CHODL: variants seen among roughly 807,000 people sequenced by gnomAD.
The protein encoded by CHODL is chondrolectin, also known as transmembrane protein MT75.
A neutral mutation model predicts 34.5 loss-of-function variants in CHODL; 29 were observed. That is an observed-to-expected ratio of 0.84 (90% CI 0.63 to 1.15). The LOEUF (loss-of-function observed/expected upper bound fraction) is 1.15. Among genes scored for constraint, CHODL ranks in the 50% most tolerant of loss-of-function variants. The pLI, the probability that CHODL is intolerant of heterozygous loss-of-function variation, is 0.00. For missense variants in CHODL, 332 were observed against 332.5 expected (o/e 1.00, Z 0.01); for synonymous variants, 125 against 116.1 (o/e 1.08, Z -0.49).
At chr21:18,224,815 T>A (rs1250063734) in intron 2 of CHODL, among the ~76,000 whole-genome samples, 1 of 152,092 alleles carries the variant, frequency 6.6e-6, no homozygotes, top group Non-Finnish European at 1.5e-5. Context: ...AGGATTATAG[T>A]AGTTTTTTTT....
At chr21:18,061,559 CAA>C (rs1555859115) in intron 2 of CHODL, among the ~76,000 whole-genome samples, 1 of 45,704 alleles carries the variant, frequency 2.2e-5, no homozygotes, top group Non-Finnish European at 6.3e-5. Context: ...CAAAGACAAT[CAA>C]ACTCAAAATA....
intron 2 of CHODL, among the ~76,000 whole-genome samples, chr21:18,170,691 C>T (rs2073217111): frequency 6.6e-6 from 1 of 152,158 alleles, no homozygotes; most frequent in African/African-American, 2.4e-5. Flanking sequence ...CATTTTCTCT[C>T]TATCCTCTGA....
Position 18,215,295 on chromosome 21 carries a change from T to C in CHODL, c.-44-41214T>C, listed in dbSNP as rs147123707. On this transcript the variant is annotated intron_variant, in intron 2 of 6. Coordinates refer to the CHODL transcript ENST00000400127. ...TGTGCAGTCCAGGTAGGGCTAGTCCTCCTACCTACAAACTTCCACCTCAGG... is the reference window on the plus strand; with the variant it reads ...TGTGCAGTCCAGGTAGGGCTAGTCCCCCTACCTACAAACTTCCACCTCAGG... Among the ~76,000 whole-genome samples the C allele has an allele frequency of 3.8e-3, 576 of 152,198 alleles. 19 individuals carry two copies. In the South Asian group the frequency reaches 0.091, roughly 24 times the overall value.
intron 1 of CHODL, among the ~76,000 whole-genome samples, chr21:18,018,911 C>T (rs924152099): frequency 6.6e-6 from 1 of 152,188 alleles, no homozygotes; most frequent in African/African-American, 2.4e-5. Flanking sequence ...TAGGCACACA[C>T]CTTGCTTGGT....
intron 1 of CHODL, among the ~76,000 whole-genome samples, chr21:18,013,327 A>G (rs1281336286): frequency 1.3e-3 from 1 of 750 alleles, no homozygotes; most frequent in Non-Finnish European, 2.6e-3. Flanking sequence ...CTTTATCTCT[A>G]GTTGTCTGCC....
At chr21:18,102,676 C>A (rs929145463) in intron 2 of CHODL, among the ~76,000 whole-genome samples, 1 of 152,098 alleles carries the variant, frequency 6.6e-6, no homozygotes, top group Non-Finnish European at 1.5e-5. Flanking sequence ...AATTGTCTAA[C>A]CCTTTAATTG....
At chr21:18,023,442 C>A (rs886789387) in intron 1 of CHODL, among the ~76,000 whole-genome samples, 1 of 152,004 alleles carries the variant, frequency 6.6e-6, no homozygotes, top group Admixed American at 6.6e-5. Flanking sequence ...GTGGGAAAAG[C>A]GTGGGCCAGG....
At chr21:18,034,971 G>A (rs2064292999) in intron 2 of CHODL, among the ~76,000 whole-genome samples, 1 of 152,008 alleles carries the variant, frequency 6.6e-6, no homozygotes, top group Non-Finnish European at 1.5e-5. Flanking sequence ...CAGACTCCCA[G>A]TGCATGACTC....
chr21:18,166,209 A>G (rs771788115), intron 2 of CHODL, among the ~76,000 whole-genome samples: 22 of 152,230 alleles, frequency 1.4e-4, no homozygotes, highest in Non-Finnish European at 3.1e-4. Context: ...AGTTCCTAGG[A>G]TCTGCCTATA....
intron 2 of CHODL, among the ~76,000 whole-genome samples, chr21:18,062,901 G>C (rs1397885854): frequency 1.3e-5 from 2 of 152,046 alleles, no homozygotes; most frequent in African/African-American, 4.8e-5. Context: ...AGGAGAAAGA[G>C]AGGGAAAGGA....
chr21:18,004,132 C>G (rs1187324960), intron 1 of CHODL, among the ~76,000 whole-genome samples: 1 of 152,010 alleles, frequency 6.6e-6, no homozygotes, highest in Non-Finnish European at 1.5e-5. Flanking sequence ...AGTAGCTAAA[C>G]CTAAGCAAAA....
intron 2 of CHODL, among the ~76,000 whole-genome samples, chr21:18,236,655 G>A (rs912316560): frequency 6.6e-6 from 1 of 151,930 alleles, no homozygotes; most frequent in Admixed American, 6.6e-5. Flanking sequence ...AAGTGAGCAG[G>A]CAGTTTCATA....
chr21:17,953,049 A>G (rs1262886233), intron 1 of CHODL, among the ~76,000 whole-genome samples: 4 of 152,124 alleles, frequency 2.6e-5, no homozygotes, highest in Non-Finnish European at 5.9e-5. Context: ...CCCTTGACAC[A>G]TGGGGATTAC....
chr21:18,045,258 C>A (rs1371715234), intron 2 of CHODL, among the ~76,000 whole-genome samples: 1 of 151,822 alleles, frequency 6.6e-6, no homozygotes, highest in Non-Finnish European at 1.5e-5. Context: ...TGATGGCCTC[C>A]AAAAAGATAT....
chr21:18,029,501 C>A (rs2064222403), intron 2 of CHODL, among the ~76,000 whole-genome samples: 1 of 152,072 alleles, frequency 6.6e-6, no homozygotes, highest in African/African-American at 2.4e-5. Flanking sequence ...AAATAGTAAT[C>A]TTTACTTGTT....
intron 2 of CHODL, among the ~76,000 whole-genome samples, chr21:18,143,133 C>T (rs943547182): frequency 6.6e-6 from 1 of 152,152 alleles, no homozygotes; most frequent in African/African-American, 2.4e-5. Flanking sequence ...GAGGGAAACA[C>T]TCTGTAAATG....
intron 2 of CHODL, among the ~76,000 whole-genome samples, chr21:18,104,398 T>C (rs1347713077): frequency 6.6e-6 from 1 of 152,136 alleles, no homozygotes; most frequent in East Asian, 1.9e-4. Context: ...ATGCCTTGCT[T>C]CCCCTTCGCC....
intron 2 of CHODL, among the ~76,000 whole-genome samples, chr21:18,078,211 A>T (rs1422228401): frequency 6.6e-6 from 1 of 152,126 alleles, no homozygotes; most frequent in Non-Finnish European, 1.5e-5. Context: ...GGGTTGAGGG[A>T]CTCACAGTTC....
chr21:18,009,743 C>T (rs2063994349), intron 1 of CHODL, among the ~76,000 whole-genome samples: 1 of 151,168 alleles, frequency 6.6e-6, no homozygotes, highest in South Asian at 2.1e-4. Flanking sequence ...AAAAAATTAG[C>T]CGGGCGTGGT....
Sources: gnomAD v4.1 joint callset for allele counts (sites outside exome capture counted in the v4.1 genomes callset) on GRCh38, gnomAD v4.1.1 for gene constraint, MANE v1.5 for transcripts, NCBI Gene and HGNC (gene_info 2026-07-23, HGNC 2026-07-21) for gene names.